Variants in FOLR3 observed in about 807,000 individuals in gnomAD.
The protein encoded by FOLR3 is folate receptor 3 (gamma).
A neutral mutation model predicts 20.0 loss-of-function variants in FOLR3; 9 were observed. That is an observed-to-expected ratio of 0.45 (90% confidence interval 0.27 to 0.79). The LOEUF (loss-of-function observed/expected upper bound fraction) is 0.79. Ranked by LOEUF, FOLR3 falls within the 30% of genes least tolerant of loss-of-function variation. The probability of loss-of-function intolerance (pLI) is 0.15; values close to 1 mark genes in which losing one functional copy is unlikely to be tolerated. For missense variants in FOLR3, 309 were observed against 323.5 expected (o/e 0.96, Z 0.34); for synonymous variants, 124 against 115.5 (o/e 1.07, Z -0.47).
At chr11:72,138,834 TG>T in intron 2 of FOLR3, 126 bp from the exon 3 acceptor site, 2 of 1,057,918 alleles carry the variant, frequency 1.9e-6, no homozygotes, top group African/African-American at 1.6e-5. Flanking sequence ...CGTCCCCAGG[TG>T]GGAGCTCCTC....
At chr11:72,139,522 G>T in intron 4 of FOLR3, 40 bp downstream of exon 4, 1 of 1,613,054 alleles carries the variant, frequency 6.2e-7, no homozygotes, top group Non-Finnish European at 8.5e-7. Context: ...TGGGAGTGGG[G>T]CTTTGGGGTT....
intron 2 of FOLR3, among the ~76,000 whole-genome samples, chr11:72,137,027 C>A (rs1408969813): frequency 2.6e-5 from 4 of 152,186 alleles, no homozygotes; most frequent in Non-Finnish European, 5.9e-5. Context: ...TCTGTGTCAG[C>A]CGGCACTGGG....
intron 2 of FOLR3, among the ~76,000 whole-genome samples, chr11:72,138,670 G>T (rs1212996577): frequency 6.6e-6 from 1 of 152,170 alleles, no homozygotes; most frequent in African/African-American, 2.4e-5. Context: ...TCCTCGGGAG[G>T]CTGAGGTGGG....
intron 2 of FOLR3, chr11:72,138,685 T>C (rs753194588): frequency 6.8e-5 from 33 of 487,138 alleles, no homozygotes; most frequent in Non-Finnish European, 1.0e-4. Flanking sequence ...GGTGGGAGGA[T>C]TATTTGAGCC....
In FOLR3 at chr11:72,139,577, C is replaced by A. The variant is rs758306468; in HGVS notation, c.494-10C>A. 9 of 1,613,880 alleles carry A rather than the reference C, an allele frequency of 5.6e-6. No individual in the cohort carries two copies. In the South Asian group the frequency reaches 7.7e-5, roughly 14 times the overall value. On this transcript the variant is annotated splice_polypyrimidine_tract_variant and intron_variant, in intron 4 of 4. Coordinates refer to ENST00000611028, the MANE Select transcript of FOLR3 (RefSeq NM_000804.4). ...CCAGAAGCTAAGGGTCTTACGTTCT[C>A]CTCCCTCAGGGATTAATGAGTGTCC...
At chr11:72,136,188 T>C in intron 2 of FOLR3, 68 bp downstream of exon 2, 1 of 1,572,410 alleles carries the variant, frequency 6.4e-7, no homozygotes, top group South Asian at 1.1e-5. Context: ...CAATGGCAGG[T>C]CCAGTGTGGT....
intron 2 of FOLR3, among the ~76,000 whole-genome samples, chr11:72,137,269 C>T (rs1052521164): frequency 1.3e-5 from 2 of 152,056 alleles, no homozygotes; most frequent in African/African-American, 4.8e-5. Context: ...TCTTACCTGC[C>T]TTGTATTTAC....
At chr11:72,135,858 T>A in intron 1 of FOLR3, 89 bp from the exon 2 acceptor site, 1 of 1,374,944 alleles carries the variant, frequency 7.3e-7, no homozygotes, top group Non-Finnish European at 1.0e-6. Context: ...ACAGCAGAGA[T>A]CTGGGCCTGG....
chr11:72,135,968 C>A lies in FOLR3; in HGVS notation c.16C>A (p.Gln6Lys), dbSNP rs571452867. The stretch of plus-strand genomic sequence containing the variant: ...GCAGGAATAGATGGACATGGCCTGG[C>A]AGATGATGCAGCTGCTGCTTCTGGC... MDMAW[Q>K]MMQLLLLALV... Residue 6 changes from glutamine (Q) to lysine (K), a missense_variant, in exon 2 of 5, where the codon CAG becomes AAG. Gln to Lys is a moderately conservative substitution (Grantham distance 53). Transcript: ENST00000611028. The A allele has an allele frequency of 2.6e-4, 413 of 1,613,792 alleles. 5 individuals carry two copies. The South Asian group carries it at 4.4e-3, about 17-fold the overall frequency.
At chr11:72,137,448 C>T (rs1386811159) in intron 2 of FOLR3, among the ~76,000 whole-genome samples, 1 of 151,946 alleles carries the variant, frequency 6.6e-6, no homozygotes, top group Non-Finnish European at 1.5e-5. Flanking sequence ...CCCTCCCCCA[C>T]AACCTGGGCC....
intron 2 of FOLR3, among the ~76,000 whole-genome samples, chr11:72,137,079 C>T (rs971840302): frequency 6.6e-6 from 1 of 152,160 alleles, no homozygotes; most frequent in Non-Finnish European, 1.5e-5. Flanking sequence ...TGGCTCCCCT[C>T]CCATGGATTT....
chr11:72,136,239 C>T (rs74710964), intron 2 of FOLR3, 119 bp downstream of exon 2: 65,334 of 1,225,470 alleles, frequency 0.053, 2,383 homozygotes, highest in African/African-American at 0.16. Context: ...AGGGGAGGGG[C>T]GGCCAGGGCC....
chr11:72,138,830 C>A (rs1027968579), intron 2 of FOLR3, 131 bp from the exon 3 acceptor site: 1 of 1,020,784 alleles, frequency 9.8e-7, no homozygotes, highest in East Asian at 2.6e-5. Context: ...CCTCCGTCCC[C>A]AGGTGGGAGC....
rs757580978 is a variant in FOLR3, at chr11:72,139,395, A to C, written c.406A>C (p.Lys136Gln). Residue 136 changes from lysine (K) to glutamine (Q), a missense_variant, in exon 4 of 5, where the codon AAA becomes CAA. By Grantham distance (53) the Lys-to-Gln change is moderately conservative. Coordinates refer to ENST00000611028, the MANE Select transcript of FOLR3 (RefSeq NM_000804.4). The stretch of plus-strand genomic sequence containing the variant: ...GCGCATTCTGAACGTGCCCCTGTGC[A>C]AAGAGGACTGTGAGCGCTGGTGGGA... The part of the protein sequence containing the change: ...KERILNVPLC[K>Q]EDCERWWEDC... 3.4e-5 allele frequency: 55 copies of C among 1,612,084 alleles called. No individual in the cohort carries two copies. Among genetic ancestry groups the C allele is most frequent in the Non-Finnish European group, 4.2e-5 (50 of 1,179,036 alleles).
intron 2 of FOLR3, chr11:72,138,732 A>G (rs974845800): frequency 1.7e-6 from 1 of 576,364 alleles, no homozygotes; most frequent in Admixed American, 3.0e-5. Context: ...TGATCACACC[A>G]CTGCGCTCCA....
Position 72,135,745 on chromosome 11 carries a change from T to G in FOLR3, c.-30T>G. The G allele has an allele frequency of 1.7e-6, 1 of 603,568 alleles. No homozygotes were observed. Among genetic ancestry groups the G allele is most frequent in the Non-Finnish European group, 2.9e-6 (1 of 339,250 alleles). The allele number at this position is 603,568 out of a possible 1,614,324, so 37.4% of individuals were successfully genotyped here. ...GTGTCAGAGCCTGGACCTACAGCGC[T>G]GTTGGTGGAGGTCCTGCCTCCAGGT... On this transcript the variant is annotated 5_prime_UTR_variant, in exon 1 of 5. Transcript: ENST00000611028.
In FOLR3 at chr11:72,139,758, A is replaced by T; in HGVS notation, c.665A>T (p.Asn222Ile). ...TTTGACTCAGCCCAGGGCAACCCCA[A>T]TGAGGAGGTGGCCAAGTTCTATGCT... The part of the protein sequence containing the change: ...MWFDSAQGNP[N>I]EEVAKFYAAA... The change falls in exon 5 of 5, where the codon AAT becomes ATT. Residue 222 changes from asparagine to isoleucine, a missense_variant. Physicochemically the swap from Asn to Ile is moderately radical, Grantham distance 149. Transcript: ENST00000611028. 3.1e-6 allele frequency: 5 copies of T among 1,614,064 alleles called. 1 individual carries two copies. The South Asian group carries it at 5.5e-5, about 18-fold the overall frequency.
intron 2 of FOLR3, 118 bp downstream of exon 2, chr11:72,136,238 G>T: frequency 8.0e-7 from 1 of 1,245,440 alleles, no homozygotes; most frequent in Non-Finnish European, 1.1e-6. Context: ...AAGGGGAGGG[G>T]CGGCCAGGGC....
Position 72,136,038 on chromosome 11 carries a change from C to T in FOLR3, c.86C>T (p.Ala29Val). 2 of 1,613,942 alleles carry T rather than the reference C, an allele frequency of 1.2e-6. No individual in the cohort carries two copies. Among genetic ancestry groups the T allele is most frequent in the Non-Finnish European group, 1.7e-6 (2 of 1,179,874 alleles). The change falls in exon 2 of 5, where the codon GCC (alanine) becomes GTC (valine). Residue 29 changes from alanine (A) to valine (V), a missense_variant. Physicochemically the swap from Ala to Val is moderately conservative, Grantham distance 64. Coordinates refer to ENST00000611028, the MANE Select transcript of FOLR3 (RefSeq NM_000804.4). ...AGTGCCCAGCCCAGGAGTGCGCGGGCCAGGACGGACCTGCTCAATGTCTGC... is the reference window on the plus strand; with the variant it reads ...AGTGCCCAGCCCAGGAGTGCGCGGGTCAGGACGGACCTGCTCAATGTCTGC... ...AGSAQPRSAR[A>V]RTDLLNVCMN...
Sources: gnomAD v4.1 joint callset for allele counts (sites outside exome capture counted in the v4.1 genomes callset) on GRCh38, gnomAD v4.1.1 for gene constraint, MANE v1.5 for transcripts, NCBI Gene and HGNC (gene_info 2026-07-23, HGNC 2026-07-21) for gene names.